Variants in COX7B2 observed in about 807,000 individuals in gnomAD.
The protein encoded by COX7B2 is cytochrome c oxidase subunit 7B2, mitochondrial.
For missense variants in COX7B2, 109 were observed against 95.9 expected, an observed-to-expected ratio of 1.14 and a Z score of -0.57; for synonymous variants, 37 against 32.1, an observed-to-expected ratio of 1.15 and a Z score of -0.51.
chr4:46,879,056 T>C (rs1258750579), intron 1 of COX7B2, among the ~76,000 whole-genome samples: 1 of 152,200 alleles, frequency 6.6e-6, no homozygotes, highest in African/African-American at 2.4e-5. Flanking sequence ...ACTATTAAGG[T>C]GCAAGTATAT....
chr4:46,890,888 T>C (rs1470750754), intron 1 of COX7B2, among the ~76,000 whole-genome samples: 2 of 152,198 alleles, frequency 1.3e-5, no homozygotes, highest in Non-Finnish European at 2.9e-5. Flanking sequence ...ATAGCATAGT[T>C]ACATTTTAAA....
At chr4:46,896,137 ATAAT>A (rs1406096834) in intron 1 of COX7B2, among the ~76,000 whole-genome samples, 2 of 152,176 alleles carry the variant, frequency 1.3e-5, no homozygotes, top group East Asian at 3.8e-4. Flanking sequence ...CTGACTAAAA[ATAAT>A]TACTTACTGC....
chr4:46,802,740 G>A (rs996854819), intron 2 of COX7B2, among the ~76,000 whole-genome samples: 1 of 152,036 alleles, frequency 6.6e-6, no homozygotes, highest in African/African-American at 2.4e-5. Context: ...CTCATGCATT[G>A]GTTATTTTGT....
chr4:46,821,046 G>A (rs1197874976), intron 2 of COX7B2, among the ~76,000 whole-genome samples: 1 of 152,008 alleles, frequency 6.6e-6, no homozygotes, highest in African/African-American at 2.4e-5. Flanking sequence ...AAGATCCACT[G>A]CCTTATGCTG....
intron 2 of COX7B2, among the ~76,000 whole-genome samples, chr4:46,773,773 CTT>C (rs1345371721): frequency 6.6e-6 from 1 of 152,056 alleles, no homozygotes; most frequent in Non-Finnish European, 1.5e-5. Flanking sequence ...TTTTAATAGA[CTT>C]AATTTCTAAA....
chr4:46,845,632 A>G (rs932751739), intron 1 of COX7B2, among the ~76,000 whole-genome samples: 1 of 152,004 alleles, frequency 6.6e-6, no homozygotes, highest in African/African-American at 2.4e-5. Flanking sequence ...AGATATTAAT[A>G]GTTCTCAAGG....
chr4:46,797,748 G>T (rs1289845044), intron 2 of COX7B2, among the ~76,000 whole-genome samples: 1 of 152,178 alleles, frequency 6.6e-6, no homozygotes, highest in African/African-American at 2.4e-5. Context: ...AATGACTGTG[G>T]ATTATCATAA....
intron 1 of COX7B2, among the ~76,000 whole-genome samples, chr4:46,881,766 T>C (rs1718759825): frequency 6.6e-6 from 1 of 152,090 alleles, no homozygotes. Flanking sequence ...CCCTAAGCAG[T>C]TTCCAGCTTG....
intron 1 of COX7B2, among the ~76,000 whole-genome samples, chr4:46,907,519 A>G (rs1258100920): frequency 6.6e-6 from 1 of 152,122 alleles, no homozygotes; most frequent in Non-Finnish European, 1.5e-5. Flanking sequence ...ATGGTTTCTC[A>G]TCCTCAATTT....
At chr4:46,884,698 C>A (rs1718967262) in intron 1 of COX7B2, among the ~76,000 whole-genome samples, 1 of 152,142 alleles carries the variant, frequency 6.6e-6, no homozygotes, top group African/African-American at 2.4e-5. Flanking sequence ...CCTTTTATTG[C>A]TCTGTTTTGG....
intron 2 of COX7B2, among the ~76,000 whole-genome samples, chr4:46,817,064 C>A (rs1001860737): frequency 6.6e-6 from 1 of 151,996 alleles, no homozygotes; most frequent in South Asian, 2.1e-4. Context: ...AAAAGACATA[C>A]AAGAAAAAAG....
chr4:46,811,354 C>A (rs539430569), intron 2 of COX7B2, among the ~76,000 whole-genome samples: 1 of 150,498 alleles, frequency 6.6e-6, no homozygotes, highest in African/African-American at 2.4e-5. Context: ...TTTTAATTTT[C>A]CTTTGAGTCA....
At chr4:46,894,974 A>G (rs2109880554) in intron 1 of COX7B2, among the ~76,000 whole-genome samples, 1 of 152,268 alleles carries the variant, frequency 6.6e-6, no homozygotes, top group African/African-American at 2.4e-5. Context: ...TTTAAAGTTG[A>G]AAAATAACAG....
chr4:46,761,258 C>T (rs1392722482), intron 2 of COX7B2, among the ~76,000 whole-genome samples: 4 of 152,156 alleles, frequency 2.6e-5, no homozygotes, highest in African/African-American at 9.7e-5. Context: ...TCTGTACAAC[C>T]TACTTGTCAG....
intron 1 of COX7B2, among the ~76,000 whole-genome samples, chr4:46,875,132 T>C (rs1353137021): frequency 6.6e-6 from 1 of 152,216 alleles, no homozygotes; most frequent in African/African-American, 2.4e-5. Flanking sequence ...AAGTATGTGT[T>C]TCTAACCTTT....
intron 2 of COX7B2, among the ~76,000 whole-genome samples, chr4:46,743,436 A>G (rs1227267984): frequency 3.3e-5 from 5 of 152,208 alleles, no homozygotes; most frequent in African/African-American, 1.2e-4. Flanking sequence ...AATGTATTTC[A>G]TTAACTTAAA....
chr4:46,758,646 T>C (rs1429709605), intron 2 of COX7B2, among the ~76,000 whole-genome samples: 1 of 152,160 alleles, frequency 6.6e-6, no homozygotes, highest in East Asian at 1.9e-4. Context: ...TTGATTAAGA[T>C]TTCTATTTGC....
intron 2 of COX7B2, among the ~76,000 whole-genome samples, chr4:46,743,116 C>A (rs966589457): frequency 2.0e-5 from 3 of 152,124 alleles, no homozygotes; most frequent in Non-Finnish European, 4.4e-5. Flanking sequence ...CACTGTGAGT[C>A]AGTGTCCCAA....
chr4:46,882,338 T>C (rs1718801193), intron 1 of COX7B2, among the ~76,000 whole-genome samples: 1 of 152,208 alleles, frequency 6.6e-6, no homozygotes, highest in Non-Finnish European at 1.5e-5. Flanking sequence ...GTTCAGGTCC[T>C]GAATCTTTGT....
Sources: allele counts gnomAD v4.1 joint callset (sites outside exome capture counted in the v4.1 genomes callset), GRCh38; gene constraint gnomAD v4.1.1; transcripts MANE v1.5; gene names NCBI Gene and HGNC (gene_info 2026-07-23, HGNC 2026-07-21).